The following RAB1A variants were observed in gnomAD, a reference collection of about 807,000 sequenced individuals.
The protein encoded by RAB1A is RAB1A, member RAS oncogene family.
In RAB1A, 2 loss-of-function variants were observed where a neutral mutation model predicts 26.0. The observed-to-expected ratio is 0.08, with a 90% CI of 0.03 to 0.24. The LOEUF (loss-of-function observed/expected upper bound fraction) is 0.24, where lower values mean the gene tolerates loss of function less well. Ranked by LOEUF, RAB1A falls within the 10% of genes least tolerant of loss-of-function variation. The probability of loss-of-function intolerance (pLI) is 1.00; values close to 1 mark genes in which losing one functional copy is unlikely to be tolerated. For missense variants in RAB1A, 100 were observed against 247.0 expected (o/e 0.40, Z 3.99); for synonymous variants, 84 against 84.9 (o/e 0.99, Z 0.06).
intron 1 of RAB1A, chr2:65,106,508 T>C (rs1669564452): frequency 5.2e-6 from 1 of 193,162 alleles, no homozygotes; most frequent in Non-Finnish European, 1.1e-5. Context: ...TGATATGCAT[T>C]ACTTAAAACA....
Position 65,129,979 on chromosome 2 carries a change from C to T in RAB1A, c.-64G>A. On this transcript the variant is annotated 5_prime_UTR_variant, in exon 1 of 6. Transcript: ENST00000409784. ...TGCCGCAGCCGCCGCCCTGACTCTC[C>T]GCGCCACGGGTAATCGAAAGAAAGG... The T allele has an allele frequency of 6.5e-7, 1 of 1,532,844 alleles. No individual in the cohort carries two copies. Among genetic ancestry groups the T allele is most frequent in the African/African-American group, 1.4e-5 (1 of 72,898 alleles). 95.0% of individuals were successfully genotyped at this position (1,532,844 alleles called of 1,614,324 possible).
chr2:65,126,380 C>T (rs1057508875), intron 1 of RAB1A, among the ~76,000 whole-genome samples: 2 of 151,756 alleles, frequency 1.3e-5, no homozygotes, highest in Non-Finnish European at 2.9e-5. Context: ...CAGTGGCTCA[C>T]GCCTGTAATC....
At chr2:65,096,872 A>G (rs901575341) in intron 3 of RAB1A, among the ~76,000 whole-genome samples, 2 of 152,206 alleles carry the variant, frequency 1.3e-5, no homozygotes, top group Non-Finnish European at 2.9e-5. Flanking sequence ...ATGCTGCCCA[A>G]AAGTTTACAA....
At chr2:65,098,378 T>C (rs971795934) in intron 2 of RAB1A, among the ~76,000 whole-genome samples, 6 of 152,188 alleles carry the variant, frequency 3.9e-5, no homozygotes, top group South Asian at 2.1e-4. Flanking sequence ...ACATACATCA[T>C]ATAGAAAAAT....
At chr2:65,126,926 A>G (rs1670114160) in intron 1 of RAB1A, among the ~76,000 whole-genome samples, 1 of 152,232 alleles carries the variant, frequency 6.6e-6, no homozygotes, top group Non-Finnish European at 1.5e-5. Context: ...CTTAAGTCAG[A>G]TTACTAAAAA....
intron 4 of RAB1A, among the ~76,000 whole-genome samples, chr2:65,090,078 A>T (rs1166362859): frequency 6.6e-6 from 1 of 152,200 alleles, no homozygotes; most frequent in Non-Finnish European, 1.5e-5. Context: ...GATGTTATTA[A>T]ATATACTCAT....
In RAB1A at chr2:65,122,644, A is replaced by G. The variant is rs1669994499; in HGVS notation, c.23+7249T>C. ...AGAAGCATCTTATTTTACCCTAAAC[A>G]TGTTCATATATTAGGAAAGTATATA... On this transcript the variant is annotated intron_variant, in intron 1 of 5. Transcript: ENST00000409784. Among the ~76,000 whole-genome samples, 4 of 152,058 alleles carry G rather than the reference A, an allele frequency of 2.6e-5. No homozygotes were observed. In the South Asian group the frequency reaches 8.3e-4, roughly 32 times the overall value.
At chr2:65,105,676 G>A (rs1449836988) in intron 1 of RAB1A, among the ~76,000 whole-genome samples, 3 of 152,144 alleles carry the variant, frequency 2.0e-5, no homozygotes, top group African/African-American at 7.2e-5. Context: ...AACTAGAAAT[G>A]TGATAAATTC....
chr2:65,123,788 C>T (rs1208920954), intron 1 of RAB1A, among the ~76,000 whole-genome samples: 2 of 151,218 alleles, frequency 1.3e-5, no homozygotes, highest in Non-Finnish European at 2.9e-5. Flanking sequence ...ATCACGCCAA[C>T]GCACTCCAGT....
At position 65,128,311 on chromosome 2, in the gene RAB1A, T is replaced by A. The variant is rs952425152; in HGVS notation, c.23+1582A>T. Among the ~76,000 whole-genome samples, 12 of 152,082 alleles carry A rather than the reference T, an allele frequency of 7.9e-5. 1 individual carries two copies. Among genetic ancestry groups the A allele is most frequent in the Non-Finnish European group, 1.6e-4 (11 of 68,026 alleles). On this transcript the variant is annotated intron_variant, in intron 1 of 5. Transcript: ENST00000409784. ...ACTAATAAACATATATATAGCAAAT[T>A]CAGAAAATTTCCTGAACAGTAGAGG...
intron 3 of RAB1A, 37 bp downstream of exon 3, chr2:65,097,934 A>C: frequency 8.1e-7 from 1 of 1,241,880 alleles, no homozygotes; most frequent in Admixed American, 2.6e-5. Flanking sequence ...AATTTACCAA[A>C]ATAAATTTCA....
At chr2:65,095,078 G>A (rs969552458) in intron 3 of RAB1A, among the ~76,000 whole-genome samples, 2 of 152,132 alleles carry the variant, frequency 1.3e-5, no homozygotes, top group Non-Finnish European at 2.9e-5. Context: ...TGAGCTGACC[G>A]CTGCACTCTA....
At chr2:65,116,132 G>A (rs936412729) in intron 1 of RAB1A, among the ~76,000 whole-genome samples, 1 of 151,588 alleles carries the variant, frequency 6.6e-6, no homozygotes, top group Non-Finnish European at 1.5e-5. Context: ...ACTCCAGCCT[G>A]GACAACAGAG....
intron 2 of RAB1A, among the ~76,000 whole-genome samples, chr2:65,101,443 A>G (rs1669424713): frequency 6.6e-6 from 1 of 152,016 alleles, no homozygotes; most frequent in Admixed American, 6.6e-5. Context: ...GATTGTCTCT[A>G]TTAATATTTT....
Position 65,089,069 on chromosome 2 carries a change from T to G in RAB1A, c.290A>C (p.Glu97Ala). 6.2e-7 allele frequency: 1 copy of G among 1,605,720 alleles called. No individual in the cohort carries two copies. Among genetic ancestry groups the G allele is most frequent in the Non-Finnish European group, 8.5e-7 (1 of 1,174,868 alleles). Reference sequence around the variant, plus strand: ...CCACTGTTTAACATTATTGAAGGACTCCTAAAAAGACATTTGAAAGACTGA... The same window carrying G: ...CCACTGTTTAACATTATTGAAGGACGCCTAAAAAGACATTTGAAAGACTGA... ...IIVVYDVTDQ[E>A]SFNNVKQWLQ... Residue 97 changes from glutamate (E) to alanine (A), a missense_variant and splice_region_variant, in exon 5 of 6, where the codon GAG becomes GCG. By Grantham distance (107) the Glu-to-Ala change is moderately radical. Transcript: ENST00000409784.
chr2:65,122,392 C>CAA (rs11413874), intron 1 of RAB1A, among the ~76,000 whole-genome samples: 5,044 of 133,838 alleles, frequency 0.038, 142 homozygotes, highest in African/African-American at 0.075. Context: ...ACAAAAAATA[C>CAA]AAAAAAAAAA....
At chr2:65,128,176 T>A (rs1670148994) in intron 1 of RAB1A, among the ~76,000 whole-genome samples, 1 of 152,128 alleles carries the variant, frequency 6.6e-6, no homozygotes, top group Admixed American at 6.5e-5. Flanking sequence ...ATTTCACCAC[T>A]ACCCTGACAG....
At chr2:65,123,903 A>T (rs1670032590) in intron 1 of RAB1A, among the ~76,000 whole-genome samples, 1 of 151,912 alleles carries the variant, frequency 6.6e-6, no homozygotes, top group South Asian at 2.1e-4. Flanking sequence ...ACAACGTTAA[A>T]AAAAAAAACT....
chr2:65,122,431 G>T lies in RAB1A; in HGVS notation c.23+7462C>A, dbSNP rs184617427. ...AAATTAGCCAGGTGTGGTGGCACGC[G>T]CTTGTATTCTCAGCTACTCAGGAGG... On this transcript the variant is annotated intron_variant, in intron 1 of 5. Transcript: ENST00000409784. Among the ~76,000 whole-genome samples, 834 of 151,032 alleles carry T rather than the reference G, an allele frequency of 5.5e-3. 15 individuals are homozygous for T. The highest frequency in any genetic ancestry group is 0.019 in the African/African-American group (775 of 41,158).
Sources: gnomAD v4.1 joint callset for allele counts (sites outside exome capture counted in the v4.1 genomes callset) on GRCh38, gnomAD v4.1.1 for gene constraint, MANE v1.5 for transcripts, NCBI Gene and HGNC (gene_info 2026-07-23, HGNC 2026-07-21) for gene names.